The following HMCN1 variants were observed in gnomAD, a reference collection of about 807,000 sequenced individuals.
HMCN1 encodes hemicentin-1.
Under a neutral mutation model 625.9 loss-of-function variants are expected in HMCN1, and 321 were observed. The observed-to-expected ratio is 0.51, with a 90% CI of 0.47 to 0.56. The LOEUF is 0.56. Ranked by LOEUF, HMCN1 falls within the 20% of genes least tolerant of loss-of-function variation. HMCN1 has a pLI of 0.00. For missense variants in HMCN1, 6,588 were observed against 6,887.3 expected, an observed-to-expected ratio of 0.96 and a Z score of 1.54; for synonymous variants, 2,425 against 2,417.6, an observed-to-expected ratio of 1.00 and a Z score of -0.09.
At chr1:185,825,099 A>G (rs564902635) in intron 1 of HMCN1, among the ~76,000 whole-genome samples, 16 of 152,280 alleles carry the variant, frequency 1.1e-4, no homozygotes, top group Non-Finnish European at 1.9e-4. Flanking sequence ...TTAAGACTCA[A>G]TAAATACTTA....
Position 186,114,048 on chromosome 1 carries a change from G to C in HMCN1, c.11201G>C (p.Cys3734Ser). 6.2e-7 allele frequency: 1 copy of C among 1,614,098 alleles called. No individual in the cohort carries two copies. Among genetic ancestry groups the C allele is most frequent in the African/African-American group, 1.3e-5 (1 of 75,054 alleles). ...ILLNKSTVLECIAEGVPTPRI... is the reference protein window; with the variant it reads ...ILLNKSTVLESIAEGVPTPRI... The stretch of plus-strand genomic sequence containing the variant: ...TTAAATAAGTCAACTGTATTGGAAT[G>C]CATCGCTGAAGGTGTGCCAACTCCA... The change falls in exon 73 of 107, where the codon TGC (cysteine) becomes TCC (serine). Residue 3734 changes from cysteine to serine, a missense_variant. Physicochemically the swap from Cys to Ser is moderately radical, Grantham distance 112 (BLOSUM62 -1). Transcript: ENST00000271588.
chr1:185,871,107 T>C (rs1233842312), intron 4 of HMCN1, among the ~76,000 whole-genome samples: 1 of 152,038 alleles, frequency 6.6e-6, no homozygotes, highest in Non-Finnish European at 1.5e-5. Flanking sequence ...CGCATGCCTG[T>C]AGTCCCAGCT....
At chr1:185,909,555 G>C in intron 5 of HMCN1, 47 bp downstream of exon 5, 5 of 1,508,358 alleles carry the variant, frequency 3.3e-6, no homozygotes, top group Non-Finnish European at 4.6e-6. Context: ...ATACATAGAG[G>C]GTAAAATACT....
At position 185,993,172 on chromosome 1, in the gene HMCN1, T is replaced by C; in HGVS notation, c.3378-10T>C. 5.6e-6 allele frequency: 9 copies of C among 1,611,154 alleles called. No individual in the cohort carries two copies. Among genetic ancestry groups the C allele is most frequent in the Non-Finnish European group, 7.6e-6 (9 of 1,177,572 alleles). On this transcript the variant is annotated splice_polypyrimidine_tract_variant and intron_variant, in intron 22 of 106. Coordinates refer to ENST00000271588, the MANE Select transcript of HMCN1 (RefSeq NM_031935.3). The stretch of plus-strand genomic sequence containing the variant: ...CTTCCATGGTCTACTATATGGTTTC[T>C]TTCTTTTAGACACACATTCCTCCCT...
At chr1:186,014,463 A>T (rs1053763004) in intron 30 of HMCN1, among the ~76,000 whole-genome samples, 1 of 152,024 alleles carries the variant, frequency 6.6e-6, no homozygotes, top group Non-Finnish European at 1.5e-5. Flanking sequence ...TGATTTTTTT[A>T]AAATTGTTGC....
intron 2 of HMCN1, among the ~76,000 whole-genome samples, chr1:185,850,372 T>C (rs1174641198): frequency 1.3e-5 from 2 of 152,160 alleles, no homozygotes; most frequent in African/African-American, 4.8e-5. Context: ...AGGCATTTAT[T>C]GTATTCATTT....
intron 16 of HMCN1, among the ~76,000 whole-genome samples, chr1:185,978,411 A>G (rs1168159759): frequency 6.6e-6 from 1 of 152,160 alleles, no homozygotes; most frequent in Non-Finnish European, 1.5e-5. Context: ...CTTTATTAAA[A>G]GCTGTATCCA....
chr1:186,072,512 A>G (rs1256594534), intron 52 of HMCN1, among the ~76,000 whole-genome samples: 2 of 152,168 alleles, frequency 1.3e-5, no homozygotes, highest in Non-Finnish European at 2.9e-5. Context: ...GAAGTTTAGG[A>G]AGGCAAAACT....
intron 39 of HMCN1, among the ~76,000 whole-genome samples, chr1:186,040,421 T>C (rs1176336048): frequency 6.6e-6 from 1 of 152,142 alleles, no homozygotes; most frequent in East Asian, 1.9e-4. Context: ...AATGCGTATA[T>C]ACCTAATATA....
chr1:185,908,059 A>G (rs1249750580), intron 4 of HMCN1, among the ~76,000 whole-genome samples: 1 of 151,994 alleles, frequency 6.6e-6, no homozygotes, highest in Non-Finnish European at 1.5e-5. Flanking sequence ...AAGAAATGCA[A>G]AAACATTCAG....
chr1:186,053,189 T>C, intron 43 of HMCN1, 115 bp downstream of exon 43: 1 of 917,778 alleles, frequency 1.1e-6, no homozygotes, highest in South Asian at 1.5e-5. Context: ...GCATACTAAA[T>C]GCTAGACAGC....
intron 9 of HMCN1, 66 bp downstream of exon 9, chr1:185,925,257 T>C: frequency 1.4e-6 from 2 of 1,461,584 alleles, no homozygotes; most frequent in Non-Finnish European, 1.9e-6. Context: ...TAGACTATTA[T>C]TGCAGTGTAC....
At chr1:186,151,176 G>T in intron 93 of HMCN1, 24 bp from the exon 94 acceptor site, 2 of 1,612,710 alleles carry the variant, frequency 1.2e-6, no homozygotes, top group South Asian at 1.1e-5. Flanking sequence ...CCTTATCCAG[G>T]AATGTTTTTT....
At chr1:185,819,629 G>A (rs1031437368) in intron 1 of HMCN1, among the ~76,000 whole-genome samples, 1 of 151,928 alleles carries the variant, frequency 6.6e-6, no homozygotes, top group Non-Finnish European at 1.5e-5. Flanking sequence ...TTTGATTACA[G>A]TAGTTTTCTT....
chr1:185,861,785 T>G (rs903071744), intron 2 of HMCN1, among the ~76,000 whole-genome samples: 1 of 152,112 alleles, frequency 6.6e-6, no homozygotes, highest in African/African-American at 2.4e-5. Flanking sequence ...GTAAGCACAT[T>G]TGACTGGAAA....
At chr1:186,104,402 C>T (rs1269636797) in intron 69 of HMCN1, among the ~76,000 whole-genome samples, 1 of 152,182 alleles carries the variant, frequency 6.6e-6, no homozygotes, top group African/African-American at 2.4e-5. Context: ...AGGATTGTTC[C>T]TGCTGTTGCT....
chr1:185,775,767 A>G (rs983710897), intron 1 of HMCN1, among the ~76,000 whole-genome samples: 3 of 152,218 alleles, frequency 2.0e-5, no homozygotes, highest in African/African-American at 7.2e-5. Context: ...GTGCTTTTTA[A>G]TCAAGAGGTT....
intron 68 of HMCN1, among the ~76,000 whole-genome samples, chr1:186,102,733 T>C (rs1571354770): frequency 6.6e-6 from 1 of 152,114 alleles, no homozygotes; most frequent in East Asian, 1.9e-4. Context: ...CCTTGTCAAA[T>C]AGTAAGCTGG....
intron 4 of HMCN1, among the ~76,000 whole-genome samples, chr1:185,884,410 T>A (rs1358040139): frequency 6.6e-6 from 1 of 151,998 alleles, no homozygotes; most frequent in Non-Finnish European, 1.5e-5. Flanking sequence ...TTATCTATAA[T>A]TCTGCTCTTA....
Sources: gnomAD v4.1 joint callset for allele counts (sites outside exome capture counted in the v4.1 genomes callset) on GRCh38, gnomAD v4.1.1 for gene constraint, MANE v1.5 for transcripts, NCBI Gene and HGNC (gene_info 2026-07-23, HGNC 2026-07-21) for gene names.